HS6ST3: variants seen among roughly 807,000 people sequenced by gnomAD.
HS6ST3 encodes heparan sulfate 6-O-sulfotransferase 3, also known as heparan-sulfate 6-O-sulfotransferase 3.
Under a neutral mutation model 36.7 loss-of-function variants are expected in HS6ST3, and 12 were observed. That is an observed-to-expected ratio of 0.33 (90% CI 0.21 to 0.53). HS6ST3 has a LOEUF of 0.53. Ranked by LOEUF, HS6ST3 falls within the 20% of genes least tolerant of loss-of-function variation. The probability of loss-of-function intolerance (pLI) is 0.95; values close to 1 mark genes in which losing one functional copy is unlikely to be tolerated. For missense variants in HS6ST3, 584 were observed against 640.9 expected, an observed-to-expected ratio of 0.91 and a Z score of 0.96; for synonymous variants, 240 against 257.5, an observed-to-expected ratio of 0.93 and a Z score of 0.65.
intron 1 of HS6ST3, among the ~76,000 whole-genome samples, chr13:96,208,578 T>A (rs150705472): frequency 6.6e-6 from 1 of 152,346 alleles, no homozygotes; most frequent in African/African-American, 2.4e-5. Context: ...TTCTTTCTCA[T>A]GACATAGGCC....
chr13:96,383,284 T>G lies in HS6ST3; in HGVS notation c.707+291715T>G, dbSNP rs375023977. Among the ~76,000 whole-genome samples the G allele has an allele frequency of 2.0e-5, 3 of 152,150 alleles. No individual in the cohort carries two copies. In the East Asian group the frequency reaches 5.8e-4, roughly 29 times the overall value. ...CTGGGCAACATGGTGAAACCTTGTCTCTACTAAACACACACAAAAATTAGC... is the reference window on the plus strand; with the variant it reads ...CTGGGCAACATGGTGAAACCTTGTCGCTACTAAACACACACAAAAATTAGC... On this transcript the variant is annotated intron_variant, in intron 1 of 1. Transcript: ENST00000376705.
chr13:96,389,641 G>C (rs1299906353), intron 1 of HS6ST3, among the ~76,000 whole-genome samples: 1 of 152,088 alleles, frequency 6.6e-6, no homozygotes, highest in African/African-American at 2.4e-5. Context: ...AAGGCACTAT[G>C]TATGAAAATA....
chr13:96,600,644 G>C (rs190284666), intron 1 of HS6ST3, among the ~76,000 whole-genome samples: 1 of 151,728 alleles, frequency 6.6e-6, no homozygotes, highest in African/African-American at 2.4e-5. Flanking sequence ...CTTTCAAATG[G>C]GGCATTCAAA....
chr13:96,132,063 C>A (rs924796160), intron 1 of HS6ST3, among the ~76,000 whole-genome samples: 3 of 147,518 alleles, frequency 2.0e-5, no homozygotes, highest in African/African-American at 7.5e-5. Context: ...CTAGGTTCAT[C>A]CATGTTTTTG....
intron 1 of HS6ST3, among the ~76,000 whole-genome samples, chr13:96,119,909 AG>A (rs2053917344): frequency 6.6e-6 from 1 of 151,250 alleles, no homozygotes; most frequent in Non-Finnish European, 1.5e-5. Flanking sequence ...GCTCTACCCT[AG>A]GGGATTATTC....
At chr13:96,813,909 A>T (rs375477658) in intron 1 of HS6ST3, among the ~76,000 whole-genome samples, 1 of 152,244 alleles carries the variant, frequency 6.6e-6, no homozygotes, top group Non-Finnish European at 1.5e-5. Flanking sequence ...TTTGCATCAC[A>T]GATGGTTGTA....
chr13:96,700,414 C>T (rs537378995), intron 1 of HS6ST3, among the ~76,000 whole-genome samples: 1 of 152,244 alleles, frequency 6.6e-6, no homozygotes, highest in East Asian at 1.9e-4. Context: ...ATTATGGGAG[C>T]TACAATTCAA....
intron 1 of HS6ST3, among the ~76,000 whole-genome samples, chr13:96,146,584 A>G (rs1406967692): frequency 1.3e-5 from 2 of 152,192 alleles, no homozygotes; most frequent in African/African-American, 2.4e-5. Flanking sequence ...ATGCCTCCTA[A>G]TATGTATTTG....
intron 1 of HS6ST3, among the ~76,000 whole-genome samples, chr13:96,371,334 T>C (rs1486846675): frequency 6.6e-6 from 1 of 152,188 alleles, no homozygotes; most frequent in Non-Finnish European, 1.5e-5. Flanking sequence ...GAAGTAAAAT[T>C]GACAAATAAA....
intron 1 of HS6ST3, among the ~76,000 whole-genome samples, chr13:96,444,886 T>C (rs887465947): frequency 1.3e-5 from 2 of 152,208 alleles, no homozygotes; most frequent in African/African-American, 4.8e-5. Flanking sequence ...TACAGCTTTC[T>C]GTTTTTTCAC....
intron 1 of HS6ST3, among the ~76,000 whole-genome samples, chr13:96,361,441 G>T (rs1171631760): frequency 1.3e-5 from 2 of 152,160 alleles, no homozygotes; most frequent in African/African-American, 4.8e-5. Flanking sequence ...GTTAGGGAAG[G>T]CTAAGATAGT....
intron 1 of HS6ST3, among the ~76,000 whole-genome samples, chr13:96,523,990 G>T (rs1432920463): frequency 1.3e-5 from 2 of 152,188 alleles, no homozygotes; most frequent in Non-Finnish European, 2.9e-5. Context: ...CCTAATCTTT[G>T]TGGTTTTATC....
intron 1 of HS6ST3, among the ~76,000 whole-genome samples, chr13:96,367,934 T>C (rs946357260): frequency 6.6e-6 from 1 of 152,212 alleles, no homozygotes; most frequent in Admixed American, 6.5e-5. Context: ...TTTTGATAGC[T>C]CAATGAAAAC....
intron 1 of HS6ST3, among the ~76,000 whole-genome samples, chr13:96,670,572 A>G (rs749660131): frequency 2.6e-5 from 4 of 152,170 alleles, no homozygotes; most frequent in African/African-American, 4.8e-5. Flanking sequence ...AATACAAACC[A>G]CAAGAGTGGT....
At chr13:96,392,920 T>G (rs1433100264) in intron 1 of HS6ST3, among the ~76,000 whole-genome samples, 1 of 152,176 alleles carries the variant, frequency 6.6e-6, no homozygotes, top group African/African-American at 2.4e-5. Context: ...ATGGTTTGGC[T>G]CTGTCCCCAC....
chr13:96,601,480 CTT>C (rs1296706944), intron 1 of HS6ST3, among the ~76,000 whole-genome samples: 4 of 151,826 alleles, frequency 2.6e-5, no homozygotes, highest in Non-Finnish European at 5.9e-5. Context: ...TTTATATTTT[CTT>C]TTATAAATAT....
intron 1 of HS6ST3, among the ~76,000 whole-genome samples, chr13:96,580,534 C>A (rs920950782): frequency 6.6e-6 from 1 of 151,946 alleles, no homozygotes; most frequent in African/African-American, 2.4e-5. Flanking sequence ...TAATCCCTAC[C>A]GTGAGTGACT....
chr13:96,098,313 C>T (rs965693153), intron 1 of HS6ST3, among the ~76,000 whole-genome samples: 1 of 152,080 alleles, frequency 6.6e-6, no homozygotes, highest in East Asian at 1.9e-4. Context: ...TTAATATAAC[C>T]TCTGGTTTAT....
At chr13:96,132,238 T>C (rs2053979933) in intron 1 of HS6ST3, among the ~76,000 whole-genome samples, 2 of 151,860 alleles carry the variant, frequency 1.3e-5, no homozygotes, top group Non-Finnish European at 2.9e-5. Flanking sequence ...TCTTAGCTAT[T>C]ACGAATAGTT....
Sources: allele counts gnomAD v4.1 joint callset (sites outside exome capture counted in the v4.1 genomes callset), GRCh38; gene constraint gnomAD v4.1.1; transcripts MANE v1.5; gene names NCBI Gene and HGNC (gene_info 2026-07-23, HGNC 2026-07-21).